The following USP30 variants were observed in gnomAD, a reference collection of about 807,000 sequenced individuals.
USP30 encodes ubiquitin carboxyl-terminal hydrolase 30.
USP30 carries 41 observed loss-of-function variants against 68.2 expected under a neutral mutation model. The ratio of observed to expected loss-of-function variants is 0.60; its 90% confidence interval spans 0.47 to 0.78. USP30 has a LOEUF of 0.78. Among genes scored for constraint, USP30 ranks in the 30% least tolerant of loss-of-function variants. USP30 has a pLI of 0.00. For missense variants in USP30, 522 were observed against 649.4 expected (o/e 0.80, Z 2.13); for synonymous variants, 229 against 253.7 (o/e 0.90, Z 0.93).
At chr12:109,078,213 C>T (rs538920386) in intron 7 of USP30, among the ~76,000 whole-genome samples, 17 of 152,156 alleles carry the variant, frequency 1.1e-4, no homozygotes, top group South Asian at 2.1e-4. Context: ...ATCACGAGGT[C>T]AGGAGTTCAA....
intron 3 of USP30, among the ~76,000 whole-genome samples, chr12:109,062,460 G>A (rs1015796524): frequency 1.4e-5 from 2 of 147,522 alleles, no homozygotes; most frequent in Non-Finnish European, 1.5e-5. Flanking sequence ...TCAGCCCCCC[G>A]AGTAGCTGGG....
chr12:109,078,588 G>A (rs550205804), intron 7 of USP30, among the ~76,000 whole-genome samples: 13 of 148,318 alleles, frequency 8.8e-5, no homozygotes, highest in African/African-American at 3.2e-4. Flanking sequence ...GACAAAGCGA[G>A]ACTCCATCTC....
rs1213571352 is a variant in USP30, at chr12:109,082,951, A to G, written c.1057A>G (p.Ile353Val). The G allele has an allele frequency of 1.9e-6, 3 of 1,614,118 alleles. No individual in the cohort carries two copies. Among genetic ancestry groups the G allele is most frequent in the Non-Finnish European group, 1.7e-6 (2 of 1,180,048 alleles). The change falls in exon 11 of 13, where the codon ATT becomes GTT. Residue 353 changes from isoleucine (I) to valine (V), a missense_variant. Physicochemically the swap from Ile to Val is conservative, Grantham distance 29. Coordinates refer to ENST00000257548, the MANE Select transcript of USP30 (RefSeq NM_032663.5). ...GTTCAATGAGTTCCTGATGATGGACATTTACAAGTACCACCTCCTTGGACA... is the reference window on the plus strand; with the variant it reads ...GTTCAATGAGTTCCTGATGATGGACGTTTACAAGTACCACCTCCTTGGACA... ...VQFNEFLMMD[I>V]YKYHLLGHKP...
At chr12:109,042,420 A>C (rs1320282784) in intron 3 of USP30, among the ~76,000 whole-genome samples, 2 of 152,146 alleles carry the variant, frequency 1.3e-5, no homozygotes, top group African/African-American at 2.4e-5. Context: ...ATAAATGCCT[A>C]ATCTTTTATT....
At chr12:109,078,110 C>G (rs181909621) in intron 7 of USP30, among the ~76,000 whole-genome samples, 1 of 152,212 alleles carries the variant, frequency 6.6e-6, no homozygotes, top group South Asian at 2.1e-4. Flanking sequence ...TTTTGAGGAA[C>G]CTCCTCCGTA....
chr12:109,058,572 C>CAAA (rs111944941), intron 3 of USP30, among the ~76,000 whole-genome samples: 2 of 139,320 alleles, frequency 1.4e-5, no homozygotes, highest in Non-Finnish European at 3.1e-5. Flanking sequence ...AACTCCGTCT[C>CAAA]AAAAAAAAAA....
intron 3 of USP30, among the ~76,000 whole-genome samples, chr12:109,058,711 A>C (rs1213519587): frequency 6.6e-6 from 1 of 152,232 alleles, no homozygotes; most frequent in Non-Finnish European, 1.5e-5. Context: ...AAAAACATTA[A>C]AGTAAAAAAA....
At chr12:109,069,739 T>C (rs1041237164) in intron 4 of USP30, among the ~76,000 whole-genome samples, 1 of 152,046 alleles carries the variant, frequency 6.6e-6, no homozygotes, top group African/African-American at 2.4e-5. Context: ...CTAGCTGGTG[T>C]AACATGGCAT....
intron 3 of USP30, among the ~76,000 whole-genome samples, chr12:109,037,248 C>T (rs1284765978): frequency 6.6e-6 from 1 of 152,154 alleles, no homozygotes; most frequent in East Asian, 1.9e-4. Flanking sequence ...TTTTCAACTT[C>T]AGAATTTCTA....
At chr12:109,044,439 A>C (rs989862106) in intron 3 of USP30, among the ~76,000 whole-genome samples, 1 of 152,084 alleles carries the variant, frequency 6.6e-6, no homozygotes, top group Admixed American at 6.6e-5. Flanking sequence ...GGAGTTTGAC[A>C]CCAGCCTGGG....
At chr12:109,032,772 T>A (rs1345999815) in intron 3 of USP30, among the ~76,000 whole-genome samples, 1 of 152,192 alleles carries the variant, frequency 6.6e-6, no homozygotes, top group East Asian at 1.9e-4. Context: ...AAAAAACCCC[T>A]ATTAAATTGC....
rs2041904184 is a variant in USP30, at chr12:109,084,948, T to C, written c.1169-5T>C. 6.3e-7 allele frequency: 1 copy of C among 1,575,924 alleles called. No homozygotes were observed. Among genetic ancestry groups the C allele is most frequent in the South Asian group, 1.2e-5 (1 of 86,350 alleles). ...TTCATTGACTCGGGCCTTTTTCTCTTGCAGTTCTGAATCAGCCAGGGGCCC... is the reference window on the plus strand; with the variant it reads ...TTCATTGACTCGGGCCTTTTTCTCTCGCAGTTCTGAATCAGCCAGGGGCCC... On this transcript the variant is annotated splice_region_variant and splice_polypyrimidine_tract_variant and intron_variant, in intron 11 of 12. Coordinates refer to ENST00000257548, the MANE Select transcript of USP30 (RefSeq NM_032663.5).
intron 3 of USP30, among the ~76,000 whole-genome samples, chr12:109,064,881 A>G (rs2041199126): frequency 6.8e-6 from 1 of 148,012 alleles, no homozygotes; most frequent in Non-Finnish European, 1.5e-5. Flanking sequence ...TGGTGGGGGG[A>G]GCTAACAGAA....
intron 3 of USP30, among the ~76,000 whole-genome samples, chr12:109,037,797 A>G (rs1349703738): frequency 6.6e-6 from 1 of 152,040 alleles, no homozygotes; most frequent in Non-Finnish European, 1.5e-5. Flanking sequence ...CACCTTCAAC[A>G]CTCAGCCTGT....
chr12:109,067,663 A>T (rs773510096), intron 4 of USP30, 36 bp downstream of exon 4: 29 of 1,588,996 alleles, frequency 1.8e-5, no homozygotes, highest in Non-Finnish European at 2.5e-5. Flanking sequence ...AGCTTGGAGA[A>T]TCCTTTCCCC....
chr12:109,059,586 T>C (rs368906505), intron 3 of USP30, among the ~76,000 whole-genome samples: 1 of 152,202 alleles, frequency 6.6e-6, no homozygotes, highest in African/African-American at 2.4e-5. Context: ...CGATCTCAGC[T>C]CACTGCAACC....
intron 3 of USP30, among the ~76,000 whole-genome samples, chr12:109,039,244 T>C (rs1245857545): frequency 6.6e-6 from 1 of 152,236 alleles, no homozygotes; most frequent in Non-Finnish European, 1.5e-5. Flanking sequence ...ATTGTAGATC[T>C]ATAATTCATT....
intron 9 of USP30, 27 bp downstream of exon 9, chr12:109,082,046 G>A (rs772442591): frequency 2.5e-6 from 4 of 1,611,730 alleles, no homozygotes; most frequent in Non-Finnish European, 3.4e-6. Flanking sequence ...AAATGTCATC[G>A]CCAGCTGGCC....
intron 3 of USP30, among the ~76,000 whole-genome samples, chr12:109,031,051 T>G (rs1050033453): frequency 6.6e-6 from 1 of 152,108 alleles, no homozygotes; most frequent in African/African-American, 2.4e-5. Context: ...ACAACTCTCC[T>G]GTAAATCCAA....
Sources: allele counts gnomAD v4.1 joint callset (sites outside exome capture counted in the v4.1 genomes callset), GRCh38; gene constraint gnomAD v4.1.1; transcripts MANE v1.5; gene names NCBI Gene and HGNC (gene_info 2026-07-23, HGNC 2026-07-21).